BPIFC: variants seen among roughly 807,000 people sequenced by gnomAD.
BPIFC encodes the protein BPI fold-containing family C protein.
In BPIFC, 60 loss-of-function variants were observed where a neutral mutation model predicts 57.6. That is an observed-to-expected ratio of 1.04 (90% CI 0.85 to 1.29). The LOEUF (loss-of-function observed/expected upper bound fraction) is 1.29, where lower values mean the gene tolerates loss of function less well. BPIFC is among the 50% of genes most tolerant of loss of function. The pLI, the probability that BPIFC is intolerant of heterozygous loss-of-function variation, is 0.00. For synonymous variants in BPIFC, 243 were observed against 224.5 expected (o/e 1.08, Z -0.74); for missense variants, 581 against 600.5 (o/e 0.97, Z 0.34).
At chr22:32,457,416 T>C (rs751830249) in intron 2 of BPIFC, 30 bp from the exon 3 acceptor site, 29 of 1,592,804 alleles carry the variant, frequency 1.8e-5, no homozygotes, top group Non-Finnish European at 2.4e-5. Flanking sequence ...AAGGTTCCTT[T>C]ATTATTCTTG....
chr22:32,448,305 C>A (rs1373346217), intron 4 of BPIFC, among the ~76,000 whole-genome samples: 3 of 151,892 alleles, frequency 2.0e-5, no homozygotes, highest in Non-Finnish European at 4.4e-5. Context: ...CCTGACCTGA[C>A]CTCGTGATCT....
intron 7 of BPIFC, among the ~76,000 whole-genome samples, chr22:32,444,332 C>T (rs766565653): frequency 4.6e-5 from 7 of 152,156 alleles, no homozygotes; most frequent in Admixed American, 3.3e-4. Flanking sequence ...TGGACAGCTG[C>T]GCCACCTCCT....
intron 13 of BPIFC, among the ~76,000 whole-genome samples, chr22:32,424,567 T>G (rs1290204350): frequency 7.0e-6 from 1 of 143,080 alleles, no homozygotes; most frequent in Non-Finnish European, 1.5e-5. Context: ...TCTTAAGTGT[T>G]ATTTTCTTTC....
chr22:32,458,724 T>G (rs1386403875), intron 2 of BPIFC, among the ~76,000 whole-genome samples: 1 of 152,238 alleles, frequency 6.6e-6, no homozygotes, highest in African/African-American at 2.4e-5. Flanking sequence ...AAGCCCTTAA[T>G]CTTAGTATAC....
intron 4 of BPIFC, among the ~76,000 whole-genome samples, chr22:32,448,066 T>G (rs1934779593): frequency 7.0e-6 from 1 of 142,382 alleles, no homozygotes; most frequent in Non-Finnish European, 1.5e-5. Context: ...CTATTTTTTT[T>G]CTTTTTTCTT....
At chr22:32,428,945 T>G (rs1217923735) in intron 13 of BPIFC, among the ~76,000 whole-genome samples, 2 of 152,070 alleles carry the variant, frequency 1.3e-5, no homozygotes, top group African/African-American at 4.8e-5. Flanking sequence ...ACAATATACT[T>G]ACAAAGAAAA....
At chr22:32,424,785 C>G (rs1934014691) in intron 13 of BPIFC, among the ~76,000 whole-genome samples, 2 of 132,682 alleles carry the variant, frequency 1.5e-5, no homozygotes, top group South Asian at 4.9e-4. Context: ...TCTTCTTCTT[C>G]TTCCTTTTTT....
In BPIFC at chr22:32,457,265, T is replaced by A. The variant is rs894187111; in HGVS notation, c.122A>T (p.Tyr41Phe). ...GCTTCTGAAAACATCCAACTCACCA[T>A]AGTCAAGTGCCCTCTGAGTAATCCT... Reference protein sequence around the residue: ...KARITQRALDYGVQAGMKMIE... With the variant: ...KARITQRALDFGVQAGMKMIE... The change falls in exon 3 of 17, where the codon TAT becomes TTT. Residue 41 changes from tyrosine to phenylalanine, a missense_variant and splice_region_variant. Coordinates refer to ENST00000300399, the MANE Select transcript of BPIFC (RefSeq NM_174932.3). 1.3e-6 allele frequency: 2 copies of A among 1,597,380 alleles called. No homozygotes were observed. The highest frequency in any genetic ancestry group is 4.5e-5 in the East Asian group (2 of 44,736).
chr22:32,437,894 A>C, intron 8 of BPIFC, 43 bp from the exon 9 acceptor site: 1 of 1,192,160 alleles, frequency 8.4e-7, no homozygotes, highest in Non-Finnish European at 1.2e-6. Flanking sequence ...TATTCATTAA[A>C]GGCATAGTAT....
At chr22:32,415,774 T>C (rs987552878) in intron 16 of BPIFC, 141 bp downstream of exon 16, 1 of 558,514 alleles carries the variant, frequency 1.8e-6, no homozygotes, top group South Asian at 2.6e-5. Context: ...GAACTAAACA[T>C]GTTTATAAGA....
chr22:32,447,430 C>A, intron 4 of BPIFC, 90 bp from the exon 5 acceptor site: 1 of 1,447,104 alleles, frequency 6.9e-7, no homozygotes, highest in Non-Finnish European at 9.3e-7. Flanking sequence ...AGAGCTCTTA[C>A]CATTGAGGCC....
intron 14 of BPIFC, among the ~76,000 whole-genome samples, chr22:32,418,250 T>G (rs1456900629): frequency 6.6e-6 from 1 of 152,208 alleles, no homozygotes; most frequent in East Asian, 1.9e-4. Flanking sequence ...GCACTGCCTA[T>G]CCTGATTTCT....
chr22:32,444,669 C>G (rs1045355588), intron 7 of BPIFC, among the ~76,000 whole-genome samples: 2 of 152,148 alleles, frequency 1.3e-5, no homozygotes, highest in African/African-American at 4.8e-5. Context: ...TTAATATATT[C>G]TATTTTCTTA....
intron 9 of BPIFC, among the ~76,000 whole-genome samples, chr22:32,436,149 C>A (rs1934387070): frequency 6.6e-6 from 1 of 152,084 alleles, no homozygotes; most frequent in African/African-American, 2.4e-5. Context: ...CAAAAATTAG[C>A]CAGGTGTGGT....
intron 13 of BPIFC, 38 bp downstream of exon 13, chr22:32,431,309 T>TACTAAGGTG (rs762376193): frequency 6.5e-7 from 1 of 1,540,476 alleles, no homozygotes; most frequent in South Asian, 1.1e-5. Flanking sequence ...ACTCACTTAT[T>TACTAAGGTG]ACTAAGGTGC....
intron 8 of BPIFC, among the ~76,000 whole-genome samples, chr22:32,439,382 C>T (rs1178987304): frequency 6.6e-6 from 1 of 151,914 alleles, no homozygotes. Flanking sequence ...GTTGTATGTG[C>T]AGTGACTCAG....
At chr22:32,459,257 G>C (rs1935108459) in intron 2 of BPIFC, among the ~76,000 whole-genome samples, 1 of 152,160 alleles carries the variant, frequency 6.6e-6, no homozygotes, top group South Asian at 2.1e-4. Flanking sequence ...AGCCAGGTGT[G>C]GTGGCTCATA....
intron 13 of BPIFC, among the ~76,000 whole-genome samples, chr22:32,424,982 A>G (rs979703962): frequency 6.6e-6 from 1 of 151,764 alleles, no homozygotes; most frequent in Non-Finnish European, 1.5e-5. Flanking sequence ...GAGTTTCACC[A>G]TGTTGGCCAG....
chr22:32,448,824 G>C (rs1934806910), intron 4 of BPIFC, among the ~76,000 whole-genome samples: 2 of 148,850 alleles, frequency 1.3e-5, no homozygotes, highest in Non-Finnish European at 1.5e-5. Context: ...TGTAGTCCCA[G>C]CTACTTGGGA....
Sources: allele counts gnomAD v4.1 joint callset (sites outside exome capture counted in the v4.1 genomes callset), GRCh38; gene constraint gnomAD v4.1.1; transcripts MANE v1.5; gene names NCBI Gene and HGNC (gene_info 2026-07-23, HGNC 2026-07-21).